CMKLR1: variants seen among roughly 807,000 people sequenced by gnomAD.
The protein encoded by CMKLR1 is chemerin-like receptor 1.
Under a neutral mutation model 8.2 loss-of-function variants are expected in CMKLR1, and 6 were observed. That is an observed-to-expected ratio of 0.73 (90% CI 0.40 to 1.44). CMKLR1 has a LOEUF of 1.44. Ranked by LOEUF, CMKLR1 falls within the 40% of genes most tolerant of loss-of-function variation. The pLI is 0.02. For missense variants in CMKLR1, 429 were observed against 478.0 expected, an observed-to-expected ratio of 0.90 and a Z score of 0.96; for synonymous variants, 178 against 181.2, an observed-to-expected ratio of 0.98 and a Z score of 0.14.
chr12:108,290,684 G>A lies in CMKLR1; in HGVS notation c.*1157C>T, dbSNP rs1014800836. 1.3e-5 allele frequency: 2 copies of A among 152,202 alleles called. No individual in the cohort carries two copies. Among genetic ancestry groups the A allele is most frequent in the Admixed American group, 6.5e-5 (1 of 15,286 alleles). The allele number at this position is 152,202 out of a possible 1,614,324, so 9.4% of individuals were successfully genotyped here. Reference sequence around the variant, plus strand: ...ACAGGGACGTGTCAGTATTAGATGAGAAAAGCCATGCCAGGCACCTGTATC... The same window carrying A: ...ACAGGGACGTGTCAGTATTAGATGAAAAAAGCCATGCCAGGCACCTGTATC... On this transcript the variant is annotated 3_prime_UTR_variant, in exon 4 of 4. Transcript: ENST00000550402.
intron 2 of CMKLR1, among the ~76,000 whole-genome samples, chr12:108,296,496 T>C (rs1891139444): frequency 6.6e-6 from 1 of 152,160 alleles, no homozygotes; most frequent in Non-Finnish European, 1.5e-5. Flanking sequence ...TCCTGGCCAC[T>C]TGTCTCTCCA....
At chr12:108,312,544 A>G (rs1050482977) in intron 2 of CMKLR1, among the ~76,000 whole-genome samples, 1 of 152,198 alleles carries the variant, frequency 6.6e-6, no homozygotes. Context: ...CGGCATACTC[A>G]GTGCCTCCAC....
chr12:108,313,583 T>C (rs1482020043), intron 2 of CMKLR1, among the ~76,000 whole-genome samples: 1 of 152,186 alleles, frequency 6.6e-6, no homozygotes, highest in Non-Finnish European at 1.5e-5. Flanking sequence ...GGGTGACCAG[T>C]TGTCCTGGTT....
chr12:108,314,880 C>T (rs964372124), intron 2 of CMKLR1, among the ~76,000 whole-genome samples: 1 of 151,430 alleles, frequency 6.6e-6, no homozygotes. Flanking sequence ...CATGTTCCAT[C>T]ATGCCCAGCC....
rs977185771 is a variant in CMKLR1 at position 108,288,960 on chromosome 12, C to CA, written c.*2880_*2881insT. The CA allele has an allele frequency of 2.0e-5, 3 of 151,984 alleles. No individual in the cohort carries two copies. Among genetic ancestry groups the CA allele is most frequent in the African/African-American group, 4.8e-5 (2 of 41,314 alleles). The allele number at this position is 151,984 out of a possible 1,614,324, so 9.4% of individuals were successfully genotyped here. A position where few individuals can be genotyped will look rare whatever the true frequency, so the allele number is the denominator to read the frequency against. ...ACAGAAACTCACTTTCTGCACCCCC[C>CA]CCCCACCTTGCTATGATGGTCCCCT... On this transcript the variant is annotated 3_prime_UTR_variant, in exon 4 of 4. Coordinates refer to ENST00000550402, the MANE Select transcript of CMKLR1 (RefSeq NM_001142343.2).
intron 2 of CMKLR1, among the ~76,000 whole-genome samples, chr12:108,319,334 A>G (rs1486643663): frequency 6.6e-6 from 1 of 152,198 alleles, no homozygotes; most frequent in Non-Finnish European, 1.5e-5. Context: ...GAGTAAACTG[A>G]AAGTCAGAGA....
chr12:108,328,775 C>A (rs1215020154), intron 2 of CMKLR1, among the ~76,000 whole-genome samples: 2 of 152,188 alleles, frequency 1.3e-5, no homozygotes, highest in African/African-American at 4.8e-5. Flanking sequence ...CCTTTAATGC[C>A]CAGCCTGGGT....
At chr12:108,300,769 G>A (rs1436483384) in intron 2 of CMKLR1, among the ~76,000 whole-genome samples, 2 of 152,182 alleles carry the variant, frequency 1.3e-5, no homozygotes, top group Non-Finnish European at 2.9e-5. Flanking sequence ...AATTGAATAA[G>A]TGGCATTGGT....
Position 108,306,303 on chromosome 12 carries a change from C to T in CMKLR1, c.-73-12639G>A, listed in dbSNP as rs1212532083. Among the ~76,000 whole-genome samples the T allele has an allele frequency of 5.3e-5, 8 of 152,190 alleles. No homozygotes were observed. In the East Asian group the frequency reaches 7.7e-4, roughly 15 times the overall value. On this transcript the variant is annotated intron_variant, in intron 2 of 3. Coordinates refer to ENST00000550402, the MANE Select transcript of CMKLR1 (RefSeq NM_001142343.2). Reference sequence around the variant, plus strand: ...CCTCAGTCTAGGAACAGTGAGTTCTCGCCTTCACTGGACCCGGAGCGTGGT... The same window carrying T: ...CCTCAGTCTAGGAACAGTGAGTTCTTGCCTTCACTGGACCCGGAGCGTGGT...
At chr12:108,338,742 G>A (rs1892288186) in intron 1 of CMKLR1, among the ~76,000 whole-genome samples, 1 of 152,164 alleles carries the variant, frequency 6.6e-6, no homozygotes, top group African/African-American at 2.4e-5. Context: ...CATGAAAAAT[G>A]TATATTGGAA....
intron 2 of CMKLR1, among the ~76,000 whole-genome samples, chr12:108,297,105 A>C (rs1891158719): frequency 1.3e-5 from 2 of 152,130 alleles, no homozygotes; most frequent in Non-Finnish European, 2.9e-5. Context: ...GGGTCCACTT[A>C]TTTGTGAATT....
intron 2 of CMKLR1, among the ~76,000 whole-genome samples, chr12:108,303,080 G>C (rs746014989): frequency 2.0e-5 from 3 of 152,006 alleles, no homozygotes; most frequent in Non-Finnish European, 4.4e-5. Flanking sequence ...ATCCCTGACC[G>C]AGCCACAGTG....
chr12:108,330,001 C>G lies in CMKLR1; in HGVS notation c.-80G>C, dbSNP rs115549425. 4.6e-5 allele frequency: 7 copies of G among 152,174 alleles called. No individual in the cohort carries two copies. The highest frequency in any genetic ancestry group is 1.7e-4 in the African/African-American group (7 of 41,434). The allele number at this position is 152,174 out of a possible 1,614,324, so 9.4% of individuals were successfully genotyped here. A position where few individuals can be genotyped will look rare whatever the true frequency, so the allele number is the denominator to read the frequency against. On this transcript the variant is annotated 5_prime_UTR_variant, in exon 2 of 4. Transcript: ENST00000550402. ...ACCCTGCCCCAATACTCACATGTCA[C>G]GCCTCCCATCAAGAAGTGGACTCTA... is the stretch of plus-strand genomic sequence containing the variant.
rs147822621 is a variant in CMKLR1, at chr12:108,296,111, A to T, written c.-73-2447T>A. On this transcript the variant is annotated intron_variant, in intron 2 of 3. Coordinates refer to ENST00000550402, the MANE Select transcript of CMKLR1 (RefSeq NM_001142343.2). The stretch of plus-strand genomic sequence containing the variant: ...TGCTTTGAGCCTCTGCTCTGTCCTA[A>T]CACACATCCCTCCTGTCCTGAGCAC... Among the ~76,000 whole-genome samples, 251 of 152,192 alleles carry T rather than the reference A, an allele frequency of 1.6e-3. 1 individual carries two copies. Among genetic ancestry groups the T allele is most frequent in the African/African-American group, 5.8e-3 (240 of 41,540 alleles).
At chr12:108,330,807 C>A (rs1161054512) in intron 1 of CMKLR1, among the ~76,000 whole-genome samples, 1 of 152,168 alleles carries the variant, frequency 6.6e-6, no homozygotes, top group Non-Finnish European at 1.5e-5. Flanking sequence ...AGACACTGAG[C>A]CCCATTGATA....
chr12:108,319,148 G>T (rs1237798197), intron 2 of CMKLR1, among the ~76,000 whole-genome samples: 1 of 152,190 alleles, frequency 6.6e-6, no homozygotes, highest in East Asian at 1.9e-4. Flanking sequence ...CCCTGGCCAT[G>T]ACGTCTCTGC....
At chr12:108,302,774 A>G (rs1299906778) in intron 2 of CMKLR1, among the ~76,000 whole-genome samples, 1 of 152,210 alleles carries the variant, frequency 6.6e-6, no homozygotes. Flanking sequence ...GAATCCAGCC[A>G]AATAGCCAGA....
At chr12:108,313,778 C>G (rs1179559645) in intron 2 of CMKLR1, among the ~76,000 whole-genome samples, 17 of 152,160 alleles carry the variant, frequency 1.1e-4, no homozygotes, top group Admixed American at 1.0e-3. Flanking sequence ...GTTTGAAACC[C>G]CCACCAGTAG....
intron 2 of CMKLR1, among the ~76,000 whole-genome samples, chr12:108,325,831 C>A (rs925296252): frequency 1.6e-4 from 25 of 152,232 alleles, no homozygotes; most frequent in African/African-American, 6.0e-4. Context: ...CCAGTTCTCA[C>A]TTCCACTCCC....
Sources: gnomAD v4.1 joint callset for allele counts (sites outside exome capture counted in the v4.1 genomes callset) on GRCh38, gnomAD v4.1.1 for gene constraint, MANE v1.5 for transcripts, NCBI Gene and HGNC (gene_info 2026-07-23, HGNC 2026-07-21) for gene names.